Variants in CUBN observed in about 807,000 individuals in gnomAD.
CUBN encodes cubilin.
In CUBN, 282 loss-of-function variants were observed where a neutral mutation model predicts 405.3. The observed-to-expected ratio is 0.70, with a 90% CI of 0.63 to 0.77. CUBN has a LOEUF of 0.77. Ranked by LOEUF, CUBN falls within the 30% of genes least tolerant of loss-of-function variation. CUBN has a pLI of 0.00. For missense variants in CUBN, 4,514 were observed against 4,475.2 expected (o/e 1.01, Z -0.25); for synonymous variants, 1,684 against 1,617.0 (o/e 1.04, Z -0.99).
At chr10:16,978,380 T>C (rs999653965) in intron 31 of CUBN, among the ~76,000 whole-genome samples, 1 of 152,212 alleles carries the variant, frequency 6.6e-6, no homozygotes, top group African/African-American at 2.4e-5. Context: ...TGTTTGTAAA[T>C]GTCATCCAAA....
chr10:17,073,807 C>T (rs1423027633), intron 17 of CUBN, among the ~76,000 whole-genome samples: 1 of 152,172 alleles, frequency 6.6e-6, no homozygotes, highest in Non-Finnish European at 1.5e-5. Flanking sequence ...GGTTCAAAAC[C>T]TACCTCTGTC....
intron 27 of CUBN, among the ~76,000 whole-genome samples, chr10:17,031,723 G>C (rs971173376): frequency 1.3e-5 from 2 of 152,210 alleles, no homozygotes; most frequent in Non-Finnish European, 1.5e-5. Flanking sequence ...TAGAACAATA[G>C]AAAGCACAGT....
At chr10:16,872,361 G>GAT in intron 58 of CUBN, among the ~76,000 whole-genome samples, 1 of 149,188 alleles carries the variant, frequency 6.7e-6, no homozygotes, top group East Asian at 2.0e-4. Flanking sequence ...TATATATATA[G>GAT]ATAGATAGAC....
intron 56 of CUBN, among the ~76,000 whole-genome samples, chr10:16,877,623 T>C (rs1840550591): frequency 6.6e-6 from 1 of 152,222 alleles, no homozygotes; most frequent in Admixed American, 6.5e-5. Flanking sequence ...ACTCCTATCA[T>C]GGAGATATCA....
chr10:17,114,484 C>A (rs898155170), intron 7 of CUBN, among the ~76,000 whole-genome samples: 1 of 152,152 alleles, frequency 6.6e-6, no homozygotes, highest in African/African-American at 2.4e-5. Flanking sequence ...ATCAACTCAG[C>A]CTGCTATGTT....
chr10:17,063,083 C>T (rs1835534913), intron 22 of CUBN, among the ~76,000 whole-genome samples: 1 of 152,204 alleles, frequency 6.6e-6, no homozygotes, highest in African/African-American at 2.4e-5. Flanking sequence ...ACCAGCCCAA[C>T]ACCAGCTCAG....
At chr10:16,873,085 T>C (rs1840405675) in intron 58 of CUBN, among the ~76,000 whole-genome samples, 1 of 152,108 alleles carries the variant, frequency 6.6e-6, no homozygotes, top group Admixed American at 6.6e-5. Context: ...TAGAAAATGA[T>C]CACAGACAAA....
In CUBN at chr10:16,958,752, G is replaced by A. The variant is rs1205759546; in HGVS notation, c.4696-4204C>T. 3.3e-5 allele frequency among the ~76,000 whole-genome samples: 5 copies of A among 152,264 alleles called. No homozygotes were observed. In the South Asian group the frequency reaches 6.2e-4, roughly 19 times the overall value. On this transcript the variant is annotated intron_variant, in intron 31 of 66. Coordinates refer to ENST00000377833, the MANE Select transcript of CUBN (RefSeq NM_001081.4). ...GTTCACATCACTAGTGAGTAGCAGC[G>A]TCTTCTCTCTCCAAATTCTAGATTT...
chr10:17,063,758 C>A (rs12221322), intron 22 of CUBN, among the ~76,000 whole-genome samples: 3,394 of 152,262 alleles, frequency 0.022, 283 homozygotes, highest in Admixed American at 0.15. Context: ...TTTCAGGAGG[C>A]CCTGCCTGTA....
chr10:17,111,790 G>T (rs1836777909), intron 8 of CUBN, among the ~76,000 whole-genome samples: 1 of 152,170 alleles, frequency 6.6e-6, no homozygotes, highest in Non-Finnish European at 1.5e-5. Flanking sequence ...TGGATGTGGT[G>T]GTTCACGCCT....
At position 16,891,714 on chromosome 10, in the gene CUBN, GA is replaced by G. The variant is rs35077748; in HGVS notation, c.8599-1188del. ...GGTAATGAATATACAAAACTTGGGG[GA>G]AAAAAACCCCAAAAACATTAAACAT... On this transcript the variant is annotated intron_variant, in intron 54 of 66. Transcript: ENST00000377833. Among the ~76,000 whole-genome samples the G allele has an allele frequency of 4.0e-5, 6 of 151,836 alleles. No homozygotes were observed. The East Asian group carries it at 5.8e-4, about 15-fold the overall frequency.
chr10:17,043,767 G>A (rs1184880686), intron 26 of CUBN, 60 bp downstream of exon 26: 3 of 1,601,452 alleles, frequency 1.9e-6, no homozygotes, highest in Non-Finnish European at 2.6e-6. Context: ...CACTTACTCT[G>A]CTGGTATTCA....
intron 28 of CUBN, among the ~76,000 whole-genome samples, chr10:16,997,580 A>C (rs1261051693): frequency 6.6e-6 from 1 of 152,190 alleles, no homozygotes; most frequent in African/African-American, 2.4e-5. Context: ...AGGCAAAGTG[A>C]ACTATTTCCT....
intron 48 of CUBN, among the ~76,000 whole-genome samples, chr10:16,909,430 T>C (rs907550212): frequency 6.6e-6 from 1 of 152,148 alleles, no homozygotes; most frequent in Non-Finnish European, 1.5e-5. Flanking sequence ...AGAAAGATGA[T>C]GTAATAATAG....
intron 31 of CUBN, among the ~76,000 whole-genome samples, chr10:16,980,659 G>A (rs1214815090): frequency 6.6e-6 from 1 of 152,128 alleles, no homozygotes; most frequent in African/African-American, 2.4e-5. Context: ...CATGGACACA[G>A]GGAGGGGAAC....
intron 60 of CUBN, among the ~76,000 whole-genome samples, chr10:16,850,114 C>G (rs1035106170): frequency 4.6e-5 from 7 of 152,150 alleles, no homozygotes; most frequent in Admixed American, 3.3e-4. Context: ...TAAGTTTTCC[C>G]TCGCTCTATC....
intron 45 of CUBN, among the ~76,000 whole-genome samples, chr10:16,917,286 C>T (rs889836192): frequency 2.0e-5 from 3 of 152,024 alleles, no homozygotes; most frequent in African/African-American, 7.3e-5. Flanking sequence ...CTTCCTTTTC[C>T]TTGGGGGATA....
intron 45 of CUBN, among the ~76,000 whole-genome samples, chr10:16,916,656 G>A (rs45478294): frequency 3.0e-3 from 462 of 151,938 alleles, no homozygotes; most frequent in Non-Finnish European, 4.9e-3. Context: ...GAACTTTCGC[G>A]GTATTAAATA....
chr10:17,045,631 T>C (rs1440317447), intron 24 of CUBN, among the ~76,000 whole-genome samples: 1 of 152,048 alleles, frequency 6.6e-6, no homozygotes, highest in East Asian at 1.9e-4. Flanking sequence ...GTGATCCCCC[T>C]GCCTCGGCCT....
Sources: allele counts gnomAD v4.1 joint callset (sites outside exome capture counted in the v4.1 genomes callset), GRCh38; gene constraint gnomAD v4.1.1; transcripts MANE v1.5; gene names NCBI Gene and HGNC (gene_info 2026-07-23, HGNC 2026-07-21).